Variants in IL32 observed in about 807,000 individuals in gnomAD.
The protein encoded by IL32 is interleukin-32.
In IL32, 30 loss-of-function variants were observed where a neutral mutation model predicts 16.6. The observed-to-expected ratio is 1.81, with a 90% CI of 1.35 to 2.45. The LOEUF is 2.45. Ranked by LOEUF, IL32 falls within the 30% of genes most tolerant of loss-of-function variation. The pLI is 0.00. For missense variants in IL32, 234 were observed against 229.8 expected, an observed-to-expected ratio of 1.02 and a Z score of -0.12; for synonymous variants, 70 against 86.1, an observed-to-expected ratio of 0.81 and a Z score of 1.03.
intron 2 of IL32, among the ~76,000 whole-genome samples, chr16:3,066,742 T>G (rs1956352005): frequency 6.6e-6 from 1 of 152,206 alleles, no homozygotes; most frequent in African/African-American, 2.4e-5. Flanking sequence ...GAGGAATGGC[T>G]GCTGTTACCT....
intron 2 of IL32, 121 bp from the exon 3 acceptor site, chr16:3,067,256 C>G (rs1956448670): frequency 6.5e-6 from 4 of 612,600 alleles, no homozygotes; most frequent in South Asian, 2.2e-5. Flanking sequence ...TATCCTGTAC[C>G]TCTGCCATGT....
At position 3,068,285 on chromosome 16, in the gene IL32, T is replaced by C. The variant is rs1241220183; in HGVS notation, c.201+46T>C. On this transcript the variant is annotated intron_variant, in intron 6 of 6. Transcript: ENST00000525643. ...TGGGCACCTTGCCTTCCTTCACCTCTGCCCTGTCTTTTCTTTCTTTCTTTC... is the reference window on the plus strand; with the variant it reads ...TGGGCACCTTGCCTTCCTTCACCTCCGCCCTGTCTTTTCTTTCTTTCTTTC... The C allele has an allele frequency of 2.0e-6, 3 of 1,466,590 alleles. No homozygotes were observed. In the South Asian group the frequency reaches 3.6e-5, roughly 18 times the overall value. The allele number at this position is 1,466,590 out of a possible 1,614,324, so 90.8% of individuals were successfully genotyped here. A position where few individuals can be genotyped will look rare whatever the true frequency, so the allele number is the denominator to read the frequency against.
At chr16:3,068,376 G>C in intron 6 of IL32, 137 bp downstream of exon 6, 1 of 773,380 alleles carries the variant, frequency 1.3e-6, no homozygotes, top group South Asian at 1.7e-5. Context: ...CATGATCTTG[G>C]CTCACTGCAA....
At chr16:3,068,472 A>AT (rs932510694) in intron 6 of IL32, 38 of 539,480 alleles carry the variant, frequency 7.0e-5, no homozygotes, top group Non-Finnish European at 8.0e-5. Flanking sequence ...CTCCAGGCTG[A>AT]TTTTTTTTGT....
At chr16:3,068,299 T>C (rs1956661291) in intron 6 of IL32, 60 bp downstream of exon 6, 8 of 1,402,490 alleles carry the variant, frequency 5.7e-6, no homozygotes, top group East Asian at 5.0e-5. Context: ...CTGTCTTTTC[T>C]TTCTTTCTTT....
intron 2 of IL32, among the ~76,000 whole-genome samples, chr16:3,066,268 C>T: frequency 6.6e-6 from 1 of 152,286 alleles, no homozygotes; most frequent in East Asian, 1.9e-4. Flanking sequence ...GCCCACCACA[C>T]CCTCCAGGGA....
rs1296651297 is a variant in IL32, at chr16:3,069,289, A to G, written c.501A>G (p.Gly167=). ...ELFMSSFQSY[G]APRGDKEELT... is the part of the protein sequence containing the mutation. ...TCATGTCCTCTTTCCAGTCCTACGGAGCCCCACGGGGGGACAAGGAGGAGC... is the reference window on the plus strand; with the variant it reads ...TCATGTCCTCTTTCCAGTCCTACGGGGCCCCACGGGGGGACAAGGAGGAGC... The change falls in exon 7 of 7, where the codon GGA becomes GGG. Residue 167 remains glycine (G), a synonymous_variant. Coordinates refer to ENST00000525643, the MANE Select transcript of IL32 (RefSeq NM_001376923.1). The G allele has an allele frequency of 6.2e-7, 1 of 1,613,936 alleles. No homozygotes were observed. Among genetic ancestry groups the G allele is most frequent in the Non-Finnish European group, 8.5e-7 (1 of 1,179,994 alleles).
intron 2 of IL32, among the ~76,000 whole-genome samples, chr16:3,066,052 C>T (rs540346009): frequency 1.3e-5 from 2 of 152,230 alleles, no homozygotes; most frequent in East Asian, 3.9e-4. Context: ...GAGCACCTGT[C>T]CCAGGAGCCC....
At chr16:3,067,947 G>A in intron 4 of IL32, 37 bp from the exon 5 acceptor site, 1 of 1,613,514 alleles carries the variant, frequency 6.2e-7, no homozygotes, top group South Asian at 1.1e-5. Context: ...GTGCAGAGGA[G>A]GCTTGGGCCT....
At chr16:3,067,133 G>GTGAGGAGGGGTCACCTA (rs1596246638) in intron 2 of IL32, among the ~76,000 whole-genome samples, 2 of 150,424 alleles carry the variant, frequency 1.3e-5, no homozygotes, top group South Asian at 2.1e-4. Flanking sequence ...CCCTGCTCTT[G>GTGAGGAGGGGTCACCTA]GGCCTGCCCA....
chr16:3,068,059 C>G (rs751261405), intron 5 of IL32, 49 bp downstream of exon 5: 1 of 1,610,624 alleles, frequency 6.2e-7, no homozygotes, highest in South Asian at 1.1e-5. Context: ...GGGTCTTAGG[C>G]TCCACAGGAC....
intron 2 of IL32, 74 bp from the exon 3 acceptor site, chr16:3,067,303 G>A: frequency 1.4e-6 from 1 of 726,282 alleles, no homozygotes; most frequent in Non-Finnish European, 2.4e-6. Context: ...GTGTGTGTGT[G>A]TGTGTGTATA....
At chr16:3,067,305 GTGTGTA>G (rs1555442532) in intron 2 of IL32, 66 bp from the exon 3 acceptor site, 5 of 722,214 alleles carry the variant, frequency 6.9e-6, no homozygotes, top group Non-Finnish European at 7.2e-6. Context: ...GTGTGTGTGT[GTGTGTA>G]TAAATTATCC....
At chr16:3,067,275 G>GTGTGTGTGTGTGTGTGTC (rs1956465518) in intron 2 of IL32, 102 bp from the exon 3 acceptor site, 5 of 204,404 alleles carry the variant, frequency 2.4e-5, no homozygotes, top group Non-Finnish European at 4.4e-5. Context: ...GTGTCTCTGT[G>GTGTGTGTGTGTGTGTGTC]TGTGTGTGTG....
chr16:3,066,583 T>G (rs944866616), intron 2 of IL32, among the ~76,000 whole-genome samples: 6 of 151,640 alleles, frequency 4.0e-5, no homozygotes, highest in Admixed American at 3.9e-4. Context: ...GGGGATTCTG[T>G]GGGGTGCCTC....
In IL32 at chr16:3,069,283, C is replaced by T. The variant is rs1173467784; in HGVS notation, c.495C>T (p.Ser165=). 1.3e-5 allele frequency: 21 copies of T among 1,614,206 alleles called. No individual in the cohort carries two copies. Among genetic ancestry groups the T allele is most frequent in the Admixed American group, 1.7e-5 (1 of 60,036 alleles). The change falls in exon 7 of 7, where the codon TCC becomes TCT. Residue 165 remains serine (S), a synonymous_variant. Transcript: ENST00000525643. ...LSELFMSSFQ[S]YGAPRGDKEE... ...AGCTCTTCATGTCCTCTTTCCAGTC[C>T]TACGGAGCCCCACGGGGGGACAAGG...
In IL32 at chr16:3,067,966, G is replaced by A. The variant is rs371336665; in HGVS notation, c.115-18G>A. The A allele has an allele frequency of 3.1e-6, 5 of 1,614,112 alleles. No individual in the cohort carries two copies. The Admixed American group carries it at 8.3e-5, about 27-fold the overall frequency. On this transcript the variant is annotated intron_variant, in intron 4 of 6. Coordinates refer to ENST00000525643, the MANE Select transcript of IL32 (RefSeq NM_001376923.1). Reference sequence around the variant, plus strand: ...AGAGGAGGCTTGGGCCTGGAACCGAGTGCTTTGTTCCTAACAGGTGATGTC... The same window carrying A: ...AGAGGAGGCTTGGGCCTGGAACCGAATGCTTTGTTCCTAACAGGTGATGTC...
chr16:3,067,166 G>A (rs943170365), intron 2 of IL32, among the ~76,000 whole-genome samples: 2 of 152,126 alleles, frequency 1.3e-5, no homozygotes, highest in Admixed American at 1.3e-4. Context: ...CCTGAGAGAA[G>A]CGCTTTCTGA....
At chr16:3,068,547 G>T in intron 6 of IL32, 2 of 433,012 alleles carry the variant, frequency 4.6e-6, no homozygotes, top group Admixed American at 3.6e-5. Flanking sequence ...TCCTAACCTT[G>T]TGTTCCGTCT....
Sources: allele counts gnomAD v4.1 joint callset (sites outside exome capture counted in the v4.1 genomes callset), GRCh38; gene constraint gnomAD v4.1.1; transcripts MANE v1.5; gene names NCBI Gene and HGNC (gene_info 2026-07-23, HGNC 2026-07-21).